The following ABCB1 variants were observed in gnomAD, a reference collection of about 807,000 sequenced individuals.
The protein encoded by ABCB1 is ATP binding cassette subfamily B member 1.
Under a neutral mutation model 142.0 loss-of-function variants are expected in ABCB1, and 69 were observed. The observed-to-expected ratio is 0.49, with a 90% CI of 0.40 to 0.59. The LOEUF (loss-of-function observed/expected upper bound fraction) is 0.59. Ranked by LOEUF, ABCB1 falls within the 20% of genes least tolerant of loss-of-function variation. ABCB1 has a pLI of 0.00. For missense variants in ABCB1, 1,326 were observed against 1,554.7 expected (o/e 0.85, Z 2.47); for synonymous variants, 532 against 539.2 (o/e 0.99, Z 0.18).
At chr7:87,566,007 G>A (rs956877817) in intron 7 of ABCB1, 63 bp downstream of exon 7, 34 of 1,567,014 alleles carry the variant, frequency 2.2e-5, no homozygotes, top group Admixed American at 6.7e-5. Flanking sequence ...AGACCTTTCC[G>A]TAGGGTGAGA....
At chr7:87,697,128 T>C (rs1338070208) in intron 1 of ABCB1, among the ~76,000 whole-genome samples, 1 of 152,212 alleles carries the variant, frequency 6.6e-6, no homozygotes, top group African/African-American at 2.4e-5. Flanking sequence ...CCTGGACCCT[T>C]GTACATTTCC....
At chr7:87,551,385 C>T (rs991392972) in intron 9 of ABCB1, among the ~76,000 whole-genome samples, 2 of 152,212 alleles carry the variant, frequency 1.3e-5, no homozygotes, top group Admixed American at 6.5e-5. Flanking sequence ...AATTAGCTTG[C>T]TCTGATCACT....
chr7:87,651,326 T>A (rs1221120523), intron 1 of ABCB1, among the ~76,000 whole-genome samples: 1 of 152,150 alleles, frequency 6.6e-6, no homozygotes, highest in Non-Finnish European at 1.5e-5. Context: ...TGTAAATGTT[T>A]TAGCAGGTAG....
In ABCB1 at chr7:87,503,708, T is replaced by C. The variant is rs1222900375; in HGVS notation, c.*535A>G. Reference sequence around the variant, plus strand: ...ATGGTTCTGTAAGACCCAATGTGAATAGACATATACAACAGGAATTATTTA... The same window carrying C: ...ATGGTTCTGTAAGACCCAATGTGAACAGACATATACAACAGGAATTATTTA... On this transcript the variant is annotated 3_prime_UTR_variant, in exon 28 of 28. Transcript: ENST00000622132. 1 of 170,326 alleles carries C rather than the reference T, an allele frequency of 5.9e-6. No individual in the cohort carries two copies. The highest frequency in any genetic ancestry group is 1.3e-5 in the Non-Finnish European group (1 of 78,518). The allele number at this position is 170,326 out of a possible 1,614,324, so 10.6% of individuals were successfully genotyped here. A position where few individuals can be genotyped will look rare whatever the true frequency, so the allele number is the denominator to read the frequency against.
In ABCB1 at chr7:87,531,181, G is replaced by T. The variant is rs929874847; in HGVS notation, c.2685+113C>A. 11 of 959,954 alleles carry T rather than the reference G, an allele frequency of 1.1e-5. No homozygotes were observed. The East Asian group carries it at 2.8e-4, about 24-fold the overall frequency. 59.5% of individuals were successfully genotyped at this position (959,954 alleles called of 1,614,324 possible). ...TAAGCATGAAAAAGATTGCTTTGAG[G>T]AATGGTTATAAACACATTCTTAGAG... On this transcript the variant is annotated intron_variant, in intron 21 of 27. Transcript: ENST00000622132.
rs886623688 is a variant in ABCB1, at chr7:87,544,243, C to T, written c.2097G>A (p.Arg699=). The T allele has an allele frequency of 1.3e-5, 21 of 1,613,420 alleles. No homozygotes were observed. In the African/African-American group the frequency reaches 2.5e-4, roughly 19 times the overall value. ...ATTCAGTTAAATTTAGCTTCATAATCCTCCAAAAGGAAACTGGAGGTATAC... is the reference window on the plus strand; with the variant it reads ...ATTCAGTTAAATTTAGCTTCATAATTCTCCAAAAGGAAACTGGAGGTATAC... ...DESIPPVSFW[R]IMKLNLTEWP... Residue 699 remains arginine, a synonymous_variant, in exon 17 of 28, where the codon AGG becomes AGA. Coordinates refer to ENST00000622132, the MANE Select transcript of ABCB1 (RefSeq NM_001348946.2).
rs752394729 is a variant in ABCB1 at position 87,561,334 on chromosome 7, T to C, written c.756A>G (p.Ala252=). ...KELLAYAKAG[A]VAEEVLAAIR... ...TTGCTGCCAAGACCTCTTCAGCTAC[T>C]GCTCCAGCTTTTGCATACGCTAAGA... Residue 252 remains alanine, a synonymous_variant, in exon 8 of 28, where the codon GCA becomes GCG. Coordinates refer to ENST00000622132, the MANE Select transcript of ABCB1 (RefSeq NM_001348946.2). 13 of 1,613,916 alleles carry C rather than the reference T, an allele frequency of 8.1e-6. No homozygotes were observed. Among genetic ancestry groups the C allele is most frequent in the Non-Finnish European group, 1.7e-6 (2 of 1,179,924 alleles).
At chr7:87,615,710 T>G (rs1252760523) in intron 1 of ABCB1, among the ~76,000 whole-genome samples, 1 of 152,190 alleles carries the variant, frequency 6.6e-6, no homozygotes, top group Admixed American at 6.5e-5. Flanking sequence ...ATAATATAAT[T>G]TGTAGACTTT....
chr7:87,560,359 AAC>A (rs1213832967), intron 8 of ABCB1, among the ~76,000 whole-genome samples: 1 of 152,190 alleles, frequency 6.6e-6, no homozygotes, highest in African/African-American at 2.4e-5. Flanking sequence ...AAGTACTCCA[AAC>A]ACATATGCAC....
intron 1 of ABCB1, among the ~76,000 whole-genome samples, chr7:87,640,499 A>G (rs1822322516): frequency 6.6e-6 from 1 of 151,596 alleles, no homozygotes; most frequent in Non-Finnish European, 1.5e-5. Context: ...ATGCACCACC[A>G]CACCCAGCTA....
intron 1 of ABCB1, chr7:87,710,738 A>G (rs889774204): frequency 1.7e-5 from 12 of 692,994 alleles, no homozygotes; most frequent in Admixed American, 3.0e-5. Flanking sequence ...TGAAGAATCA[A>G]TTTCTAAAAT....
chr7:87,626,281 ATG>A lies in ABCB1; in HGVS notation c.-330-25205_-330-25204del, dbSNP rs1199542163. On this transcript the variant is annotated intron_variant, in intron 1 of 28. Coordinates refer to the ABCB1 transcript ENST00000265724. ...TATGTGTCATATATGTGTCATATAT[ATG>A]TGTCATATATGTGTCATATATATGT... is the stretch of plus-strand genomic sequence containing the variant. Among the ~76,000 whole-genome samples, 73 of 57,422 alleles carry A rather than the reference ATG, an allele frequency of 1.3e-3. 5 individuals carry two copies. Among genetic ancestry groups the A allele is most frequent in the Admixed American group, 2.3e-3 (11 of 4,768 alleles). The allele number at this position is 57,422 out of a possible 152,430, so 37.7% of individuals were successfully genotyped here. A position where few individuals can be genotyped will look rare whatever the true frequency, so the allele number is the denominator to read the frequency against.
intron 1 of ABCB1, among the ~76,000 whole-genome samples, chr7:87,654,998 C>T (rs994097312): frequency 5.9e-5 from 9 of 151,968 alleles, no homozygotes; most frequent in Non-Finnish European, 1.0e-4. Flanking sequence ...GATATCCCCT[C>T]GTTAGAATGC....
chr7:87,606,924 G>A (rs1584919088), intron 1 of ABCB1, among the ~76,000 whole-genome samples: 1 of 152,048 alleles, frequency 6.6e-6, no homozygotes, highest in South Asian at 2.1e-4. Flanking sequence ...CTTATTAAGG[G>A]ACACTCACAT....
intron 4 of ABCB1, among the ~76,000 whole-genome samples, chr7:87,571,396 C>T (rs189775965): frequency 1.9e-4 from 29 of 152,186 alleles, no homozygotes; most frequent in South Asian, 1.0e-3. Context: ...GTATGTTCTA[C>T]GAGAGTTTAG....
At position 87,621,859 on chromosome 7, in the gene ABCB1, A is replaced by G. The variant is rs552392679; in HGVS notation, c.-330-20781T>C. ...ATCATGGGCACAATTCTTTATTAAA[A>G]TGCAACCTTGTTATTTAATTATTTC... On this transcript the variant is annotated intron_variant, in intron 1 of 28. Coordinates refer to the ABCB1 transcript ENST00000265724. Among the ~76,000 whole-genome samples, 11 of 152,242 alleles carry G rather than the reference A, an allele frequency of 7.2e-5. 1 individual carries two copies. The South Asian group carries it at 2.3e-3, about 32-fold the overall frequency.
At chr7:87,562,808 G>C (rs1817618264) in intron 7 of ABCB1, among the ~76,000 whole-genome samples, 1 of 150,894 alleles carries the variant, frequency 6.6e-6, no homozygotes, top group Admixed American at 6.6e-5. Context: ...TATTATCAAG[G>C]ATATGAAAAG....
intron 9 of ABCB1, 81 bp from the exon 10 acceptor site, chr7:87,550,919 A>G (rs1167613847): frequency 3.6e-6 from 3 of 838,684 alleles, no homozygotes; most frequent in Non-Finnish European, 4.1e-6. Context: ...TCTTTTTCTA[A>G]CATAGGTAAT....
rs750623746 is a variant in ABCB1, at chr7:87,550,728, A to G, written c.1110T>C (p.Asp370=). 1.9e-6 allele frequency: 3 copies of G among 1,608,702 alleles called. No homozygotes were observed. The change falls in exon 10 of 28, where the codon GAT becomes GAC. Residue 370 remains aspartate (D), a synonymous_variant. Transcript: ENST00000622132. The part of the protein sequence containing the change: ...GAAYEIFKII[D]NKPSIDSYSK... ...TAGATGGCCAACTCAGACTTACATT[A>G]TCAATTATCTTGAAGATTTCATAAG...
Sources: allele counts gnomAD v4.1 joint callset (sites outside exome capture counted in the v4.1 genomes callset), GRCh38; gene constraint gnomAD v4.1.1; transcripts MANE v1.5; gene names NCBI Gene and HGNC (gene_info 2026-07-23, HGNC 2026-07-21).